TTLL5: variants seen among roughly 807,000 people sequenced by gnomAD.
The protein encoded by TTLL5 is tubulin polyglutamylase TTLL5.
In TTLL5, 132 loss-of-function variants were observed where a neutral mutation model predicts 168.4. The observed-to-expected ratio is 0.78, with a 90% CI of 0.68 to 0.91. The LOEUF (loss-of-function observed/expected upper bound fraction) is 0.91. Among genes scored for constraint, TTLL5 ranks in the 40% least tolerant of loss-of-function variants. The pLI, the probability that TTLL5 is intolerant of heterozygous loss-of-function variation, is 0.00. For missense variants in TTLL5, 1,545 were observed against 1,581.5 expected, an observed-to-expected ratio of 0.98 and a Z score of 0.39; for synonymous variants, 546 against 558.6, an observed-to-expected ratio of 0.98 and a Z score of 0.32.
In TTLL5 at chr14:75,684,911, T is replaced by G. The variant is rs899283955; in HGVS notation, c.371+1255T>G. On this transcript the variant is annotated intron_variant, in intron 5 of 31. Coordinates refer to ENST00000298832, the MANE Select transcript of TTLL5 (RefSeq NM_015072.5). ...TGGCTACACAGTTGTGTTCACTTTG[T>G]AAAAATTCATTATGCCCTGCCGTGT... is the stretch of plus-strand genomic sequence containing the variant. The G allele has an allele frequency of 2.0e-5, 3 of 152,366 alleles. No individual in the cohort carries two copies. In the East Asian group the frequency reaches 5.8e-4, roughly 29 times the overall value. 9.4% of individuals were successfully genotyped at this position (152,366 alleles called of 1,614,324 possible).
chr14:75,911,407 G>A (rs1235544586), intron 31 of TTLL5, among the ~76,000 whole-genome samples: 3 of 152,116 alleles, frequency 2.0e-5, no homozygotes, highest in Non-Finnish European at 4.4e-5. Flanking sequence ...ATAAAACATA[G>A]CCTCTATCCC....
chr14:75,737,489 T>C (rs1888983694), intron 15 of TTLL5: 3 of 1,419,498 alleles, frequency 2.1e-6, no homozygotes, highest in Non-Finnish European at 2.8e-6. Context: ...CTTTTTTATA[T>C]CATAGATCTA....
intron 7 of TTLL5, among the ~76,000 whole-genome samples, chr14:75,706,421 A>G (rs1404453320): frequency 1.3e-5 from 2 of 152,154 alleles, no homozygotes; most frequent in Admixed American, 6.6e-5. Context: ...GTACTTTTCT[A>G]TTTATTGTAT....
intron 31 of TTLL5, among the ~76,000 whole-genome samples, chr14:75,951,485 C>T (rs541795648): frequency 5.9e-5 from 9 of 152,032 alleles, no homozygotes; most frequent in African/African-American, 9.7e-5. Context: ...CCAGGCAGGG[C>T]GCAGTGGCTA....
intron 27 of TTLL5, among the ~76,000 whole-genome samples, chr14:75,804,152 C>T (rs1325441345): frequency 6.6e-6 from 1 of 152,050 alleles, no homozygotes; most frequent in African/African-American, 2.4e-5. Context: ...ACTTTTTGCT[C>T]TTCACATTTT....
chr14:75,677,261 T>C (rs1884235627), intron 3 of TTLL5, among the ~76,000 whole-genome samples: 1 of 152,092 alleles, frequency 6.6e-6, no homozygotes, highest in African/African-American at 2.4e-5. Flanking sequence ...TATTATCAAC[T>C]CCATTTTACA....
chr14:75,928,968 G>A (rs1212191417), intron 31 of TTLL5, among the ~76,000 whole-genome samples: 2 of 152,094 alleles, frequency 1.3e-5, no homozygotes, highest in African/African-American at 4.8e-5. Context: ...GCATCGTAAA[G>A]CATCCCAGGG....
At chr14:75,735,324 G>T in intron 15 of TTLL5, 35 bp downstream of exon 15, 1 of 1,604,228 alleles carries the variant, frequency 6.2e-7, no homozygotes, top group Non-Finnish European at 8.5e-7. Flanking sequence ...CCTGAAGGAG[G>T]CTTACTGGGA....
chr14:75,928,370 ACTG>A (rs2034156045), intron 31 of TTLL5, among the ~76,000 whole-genome samples: 1 of 31,022 alleles, frequency 3.2e-5, no homozygotes, highest in Non-Finnish European at 7.4e-5. Context: ...TATATATATC[ACTG>A]TATTTCTGCT....
chr14:75,832,042 T>G (rs145322893), intron 28 of TTLL5, among the ~76,000 whole-genome samples: 1 of 152,250 alleles, frequency 6.6e-6, no homozygotes, highest in African/African-American at 2.4e-5. Context: ...TGTGATAGAT[T>G]GGGGTGTCAC....
intron 28 of TTLL5, among the ~76,000 whole-genome samples, chr14:75,827,690 C>G (rs1457800927): frequency 1.4e-5 from 2 of 139,298 alleles, no homozygotes; most frequent in Middle Eastern, 8.0e-3. Context: ...ATAATCAATA[C>G]CACATTTGGC....
Position 75,907,716 on chromosome 14 carries a change from C to T in TTLL5, c.3823+5492C>T, listed in dbSNP as rs150061035. 1.4e-3 allele frequency among the ~76,000 whole-genome samples: 216 copies of T among 152,312 alleles called. 1 individual carries two copies. The highest frequency in any genetic ancestry group is 4.5e-3 in the African/African-American group (189 of 41,578). Reference sequence around the variant, plus strand: ...CATATACCAAAATTTACTGGAGAAACTGAAAACAACCAGAGTTCTTTTGGT... The same window carrying T: ...CATATACCAAAATTTACTGGAGAAATTGAAAACAACCAGAGTTCTTTTGGT... On this transcript the variant is annotated intron_variant, in intron 31 of 31. Transcript: ENST00000298832.
chr14:75,900,774 G>A lies in TTLL5; in HGVS notation c.3741-1368G>A, dbSNP rs779577326. On this transcript the variant is annotated intron_variant, in intron 30 of 31. Transcript: ENST00000298832. ...CCTCTCCTAACTTCATGACTCCCTT[G>A]AAATTATTTCCACAGAAAGACCATC... Among the ~76,000 whole-genome samples the A allele has an allele frequency of 2.6e-4, 39 of 152,138 alleles. 1 individual carries two copies. Among genetic ancestry groups the A allele is most frequent in the Admixed American group, 1.8e-3 (27 of 15,276 alleles).
intron 20 of TTLL5, among the ~76,000 whole-genome samples, chr14:75,771,310 C>T (rs180713314): frequency 2.9e-4 from 44 of 152,242 alleles, no homozygotes; most frequent in Admixed American, 2.1e-3. Flanking sequence ...ACCTGTAAGT[C>T]CAGCTAGTTG....
chr14:75,813,216 G>A (rs1055182011), intron 27 of TTLL5, among the ~76,000 whole-genome samples: 1 of 150,558 alleles, frequency 6.6e-6, no homozygotes, highest in Admixed American at 6.6e-5. Flanking sequence ...GTGTGTGTGT[G>A]TGTGTGTGTT....
At position 75,717,880 on chromosome 14, in the gene TTLL5, G is replaced by A. The variant is rs757765280; in HGVS notation, c.760G>A (p.Asp254Asn). The A allele has an allele frequency of 4.3e-6, 7 of 1,613,816 alleles. No individual in the cohort carries two copies. The highest frequency in any genetic ancestry group is 5.9e-6 in the Non-Finnish European group (7 of 1,179,884). Residue 254 changes from aspartate (D) to asparagine (N), a missense_variant, in exon 10 of 32, where the codon GAT becomes AAT. Coordinates refer to ENST00000298832, the MANE Select transcript of TTLL5 (RefSeq NM_015072.5). ...TATCAGGTTTGCAACTGTGCGATATGATCAAGGAGCCAAGAACATTCGGAA... is the reference window on the plus strand; with the variant it reads ...TATCAGGTTTGCAACTGTGCGATATAATCAAGGAGCCAAGAACATTCGGAA... ...GLARFATVRY[D>N]QGAKNIRNQF...
intron 27 of TTLL5, among the ~76,000 whole-genome samples, chr14:75,800,088 C>T (rs146234010): frequency 0.013 from 1,969 of 152,278 alleles, 53 homozygotes; most frequent in African/African-American, 0.043. Flanking sequence ...TCTCTTCTTC[C>T]TCGGGAACAC....
chr14:75,920,078 C>T (rs572125981), intron 31 of TTLL5, among the ~76,000 whole-genome samples: 108 of 152,174 alleles, frequency 7.1e-4, no homozygotes, highest in African/African-American at 2.0e-3. Flanking sequence ...GCTGAGATTG[C>T]ACCACTGCAC....
chr14:75,902,338 A>G lies in TTLL5; in HGVS notation c.3823+114A>G, dbSNP rs2272584. 4.4e-5 allele frequency: 49 copies of G among 1,108,410 alleles called. No individual in the cohort carries two copies. The East Asian group carries it at 1.2e-3, about 27-fold the overall frequency. The allele number at this position is 1,108,410 out of a possible 1,614,324, so 68.7% of individuals were successfully genotyped here. A position where few individuals can be genotyped will look rare whatever the true frequency, so the allele number is the denominator to read the frequency against. Reference sequence around the variant, plus strand: ...CCCCAGTTCAAAGAATGAAACATCTAGCCTCTCAAAACATTGGCAAATGGG... The same window carrying G: ...CCCCAGTTCAAAGAATGAAACATCTGGCCTCTCAAAACATTGGCAAATGGG... On this transcript the variant is annotated intron_variant, in intron 31 of 31. Coordinates refer to ENST00000298832, the MANE Select transcript of TTLL5 (RefSeq NM_015072.5).
Sources: gnomAD v4.1 joint callset for allele counts (sites outside exome capture counted in the v4.1 genomes callset) on GRCh38, gnomAD v4.1.1 for gene constraint, MANE v1.5 for transcripts, NCBI Gene and HGNC (gene_info 2026-07-23, HGNC 2026-07-21) for gene names.